Variants in PCDH17 observed in about 807,000 individuals in gnomAD.
The protein encoded by PCDH17 is protocadherin 17.
Under a neutral mutation model 67.7 loss-of-function variants are expected in PCDH17, and 21 were observed. The ratio of observed to expected loss-of-function variants is 0.31; its 90% CI spans 0.22 to 0.45. The LOEUF (loss-of-function observed/expected upper bound fraction) is 0.45. Ranked by LOEUF, PCDH17 falls within the 20% of genes least tolerant of loss-of-function variation. PCDH17 has a pLI of 1.00. For synonymous variants in PCDH17, 701 were observed against 656.7 expected (o/e 1.07, Z -1.03); for missense variants, 1,471 against 1,564.8 (o/e 0.94, Z 1.01).
chr13:57,656,245 G>C (rs1217497175), intron 1 of PCDH17, among the ~76,000 whole-genome samples: 1 of 152,030 alleles, frequency 6.6e-6, no homozygotes, highest in Non-Finnish European at 1.5e-5. Context: ...CATGCATTTA[G>C]ACTCAATGCA....
chr13:57,632,914 A>T lies in PCDH17; in HGVS notation c.368A>T (p.Gln123Leu), dbSNP rs762610664. Reference protein sequence around the residue: ...KEICMIKVEIQDINDNAPSFS... With the variant: ...KEICMIKVEILDINDNAPSFS... ...ATCTGCATGATCAAGGTAGAGATCC[A>T]GGACATCAACGACAACGCGCCCTCC... The change falls in exon 1 of 4, where the codon CAG (glutamine) becomes CTG (leucine). Residue 123 changes from glutamine to leucine, a missense_variant. By Grantham distance (113) the Gln-to-Leu change is moderately radical. Around this residue, in one of 3 missense-constraint regions of PCDH17, gnomAD observed 1,163 missense variants for 1,230.0 expected, o/e 0.95. Coordinates refer to ENST00000377918, the MANE Select transcript of PCDH17 (RefSeq NM_001040429.3). 6.2e-7 allele frequency: 1 copy of T among 1,614,138 alleles called. No individual in the cohort carries two copies. Among genetic ancestry groups the T allele is most frequent in the East Asian group, 2.2e-5 (1 of 44,854 alleles).
intron 3 of PCDH17, among the ~76,000 whole-genome samples, chr13:57,676,930 C>T (rs143264722): frequency 1.8e-3 from 272 of 151,964 alleles, no homozygotes; most frequent in African/African-American, 6.3e-3. Context: ...GCATGACTGG[C>T]ATCAATGTAT....
At chr13:57,675,218 T>G (rs2138038003) in intron 3 of PCDH17, among the ~76,000 whole-genome samples, 1 of 152,104 alleles carries the variant, frequency 6.6e-6, no homozygotes, top group East Asian at 2.0e-4. Context: ...CTGACACTAC[T>G]GTGCTATCAC....
At chr13:57,639,107 T>A (rs1268939341) in intron 1 of PCDH17, among the ~76,000 whole-genome samples, 1 of 147,922 alleles carries the variant, frequency 6.8e-6, no homozygotes, top group Non-Finnish European at 1.5e-5. Context: ...GGCATTCTGG[T>A]ATCTTGAGTA....
intron 1 of PCDH17, among the ~76,000 whole-genome samples, chr13:57,651,145 T>C (rs1955032133): frequency 1.3e-5 from 2 of 152,172 alleles, no homozygotes; most frequent in Non-Finnish European, 2.9e-5. Context: ...CACACAACTA[T>C]ATATTTTATA....
At chr13:57,705,937 C>G (rs1000496129) in intron 3 of PCDH17, among the ~76,000 whole-genome samples, 3 of 151,562 alleles carry the variant, frequency 2.0e-5, no homozygotes, top group Admixed American at 1.3e-4. Flanking sequence ...ATCACTTGAA[C>G]CCAGGAGGCA....
At chr13:57,704,346 A>T (rs781634941) in intron 3 of PCDH17, among the ~76,000 whole-genome samples, 1 of 152,080 alleles carries the variant, frequency 6.6e-6, no homozygotes, top group Non-Finnish European at 1.5e-5. Flanking sequence ...GCTTTCTAAA[A>T]CAGTCTAGTA....
intron 3 of PCDH17, among the ~76,000 whole-genome samples, chr13:57,695,914 CAATT>C (rs1472550397): frequency 2.6e-5 from 4 of 151,286 alleles, no homozygotes; most frequent in African/African-American, 7.3e-5. Context: ...TAAAAGTAGA[CAATT>C]AAGCAGAAAA....
chr13:57,689,105 A>T (rs1955533498), intron 3 of PCDH17, among the ~76,000 whole-genome samples: 1 of 152,082 alleles, frequency 6.6e-6, no homozygotes, highest in Admixed American at 6.6e-5. Flanking sequence ...GATAAAGATG[A>T]TGATAATGTG....
intron 3 of PCDH17, among the ~76,000 whole-genome samples, chr13:57,710,905 A>C (rs1258602221): frequency 6.6e-6 from 1 of 151,982 alleles, no homozygotes; most frequent in Non-Finnish European, 1.5e-5. Context: ...TATAGTTGGG[A>C]AAGTTATACC....
intron 3 of PCDH17, among the ~76,000 whole-genome samples, chr13:57,694,416 T>C (rs1955587956): frequency 6.6e-6 from 1 of 151,198 alleles, no homozygotes; most frequent in Non-Finnish European, 1.5e-5. Flanking sequence ...ATGAAGGACT[T>C]TCTTTCCTTT....
intron 1 of PCDH17, among the ~76,000 whole-genome samples, chr13:57,654,221 G>A (rs998859246): frequency 4.6e-5 from 7 of 152,020 alleles, no homozygotes; most frequent in Non-Finnish European, 8.8e-5. Flanking sequence ...AAACTTTGTG[G>A]TTCATGAAAT....
chr13:57,661,406 AG>A (rs1955182160), intron 1 of PCDH17, among the ~76,000 whole-genome samples: 1 of 152,150 alleles, frequency 6.6e-6, no homozygotes, highest in Non-Finnish European at 1.5e-5. Context: ...TGTTCTCTCA[AG>A]GGCTGTAGCT....
Position 57,638,755 on chromosome 13 carries a change from T to C in PCDH17, c.2565+3644T>C, listed in dbSNP as rs1329299481. Among the ~76,000 whole-genome samples, 5 of 151,970 alleles carry C rather than the reference T, an allele frequency of 3.3e-5. No individual in the cohort carries two copies. In the East Asian group the frequency reaches 9.6e-4, roughly 29 times the overall value. ...TATTGAAGTGTAGAGGACTAACGTA[T>C]CATAGTGTAAACAATAAACTCAATA... On this transcript the variant is annotated intron_variant, in intron 1 of 3. Coordinates refer to ENST00000377918, the MANE Select transcript of PCDH17 (RefSeq NM_001040429.3).
rs766422647 is a variant in PCDH17 at position 57,725,327 on chromosome 13, T to C, written c.*33T>C. On this transcript the variant is annotated 3_prime_UTR_variant, in exon 4 of 4. Coordinates refer to ENST00000377918, the MANE Select transcript of PCDH17 (RefSeq NM_001040429.3). ...AAAAAAAAAAGGCATTGGCATTTTC[T>C]TGTCTCTTCTGTTGATTTAAAAATG... 6.4e-7 allele frequency: 1 copy of C among 1,553,804 alleles called. No homozygotes were observed. The highest frequency in any genetic ancestry group is 1.2e-5 in the South Asian group (1 of 83,532).
At chr13:57,678,066 C>G (rs1481619409) in intron 3 of PCDH17, among the ~76,000 whole-genome samples, 1 of 151,482 alleles carries the variant, frequency 6.6e-6, no homozygotes, top group East Asian at 2.0e-4. Flanking sequence ...AGTGTTCTCC[C>G]TACATAATAA....
chr13:57,717,491 C>T (rs1294219758), intron 3 of PCDH17, among the ~76,000 whole-genome samples: 1 of 151,938 alleles, frequency 6.6e-6, no homozygotes, highest in Non-Finnish European at 1.5e-5. Context: ...GTCACAGACA[C>T]TTAAAACCAT....
chr13:57,649,612 GT>G (rs1955011183), intron 1 of PCDH17, among the ~76,000 whole-genome samples: 2 of 152,108 alleles, frequency 1.3e-5, no homozygotes, highest in Admixed American at 1.3e-4. Context: ...GCACTCATCT[GT>G]TTTTTAATGA....
intron 1 of PCDH17, among the ~76,000 whole-genome samples, chr13:57,641,587 AATATATATATATATAT>A (rs1166347188): frequency 4.9e-5 from 1 of 20,580 alleles, no homozygotes; most frequent in Non-Finnish European, 9.6e-5. Flanking sequence ...AAAAAAAAAA[AATATATATATATATAT>A]ATATATATAT....
Sources: allele counts gnomAD v4.1 joint callset (sites outside exome capture counted in the v4.1 genomes callset), GRCh38; gene constraint gnomAD v4.1.1; regional missense constraint gnomAD v4.1.1; transcripts MANE v1.5; gene names NCBI Gene and HGNC (gene_info 2026-07-23, HGNC 2026-07-21).